PCDH9: variants seen among roughly 807,000 people sequenced by gnomAD.
PCDH9 encodes protocadherin 9, also known as protocadherin-9.
PCDH9 carries 24 observed loss-of-function variants against 70.6 expected under a neutral mutation model. The ratio of observed to expected loss-of-function variants is 0.34; its 90% CI spans 0.25 to 0.48. PCDH9 has a LOEUF of 0.48. Ranked by LOEUF, PCDH9 falls within the 20% of genes least tolerant of loss-of-function variation. The pLI, the probability that PCDH9 is intolerant of heterozygous loss-of-function variation, is 0.99. For missense variants in PCDH9, 1,281 were observed against 1,503.6 expected, an observed-to-expected ratio of 0.85 and a Z score of 2.45; for synonymous variants, 562 against 558.5, an observed-to-expected ratio of 1.01 and a Z score of -0.09.
chr13:66,383,099 C>T (rs1956874873), intron 4 of PCDH9, among the ~76,000 whole-genome samples: 1 of 152,044 alleles, frequency 6.6e-6, no homozygotes, highest in Admixed American at 6.6e-5. Flanking sequence ...ATTTACAAAG[C>T]ACAATATAGT....
chr13:67,222,856 T>C (rs969255459), intron 2 of PCDH9: 5 of 152,140 alleles, frequency 3.3e-5, no homozygotes, highest in African/African-American at 1.2e-4. Context: ...TACAGTTCAG[T>C]GAAAACAAAT....
Position 66,497,814 on chromosome 13 carries a change from C to CTTTTTTTTTTTT in PCDH9, c.3340+133384_3340+133395dup, listed in dbSNP as rs763360211. Among the ~76,000 whole-genome samples the CTTTTTTTTTTTT allele has an allele frequency of 4.5e-5, 5 of 111,334 alleles. No individual in the cohort carries two copies. The East Asian group carries it at 1.4e-3, about 32-fold the overall frequency. The allele number at this position is 111,334 out of a possible 152,430, so 73.0% of individuals were successfully genotyped here. On this transcript the variant is annotated intron_variant, in intron 4 of 4. Coordinates refer to ENST00000377865, the MANE Select transcript of PCDH9 (RefSeq NM_203487.3). ...AGAAAAAGTGCTATACACACTCTTA[C>CTTTTTTTTTTTT]TTTTTTTTTTTTTTTTTTTTTTGAG...
intron 2 of PCDH9, among the ~76,000 whole-genome samples, chr13:67,131,505 C>A (rs114461456): frequency 9.8e-4 from 149 of 152,214 alleles, no homozygotes; most frequent in African/African-American, 3.3e-3. Flanking sequence ...ACATGCATTT[C>A]TGAACTTTTG....
At chr13:66,351,556 T>G (rs117884252) in intron 4 of PCDH9, among the ~76,000 whole-genome samples, 1 of 152,198 alleles carries the variant, frequency 6.6e-6, no homozygotes, top group Non-Finnish European at 1.5e-5. Context: ...CTTTTAAATC[T>G]TCAAATATTT....
intron 3 of PCDH9, among the ~76,000 whole-genome samples, chr13:66,854,081 T>C (rs1459370835): frequency 6.6e-6 from 1 of 152,218 alleles, no homozygotes; most frequent in African/African-American, 2.4e-5. Flanking sequence ...GCTGTTCTTT[T>C]AGCTACTAGT....
intron 3 of PCDH9, among the ~76,000 whole-genome samples, chr13:66,806,765 G>A (rs1042866718): frequency 2.0e-5 from 3 of 152,098 alleles, no homozygotes; most frequent in Non-Finnish European, 4.4e-5. Flanking sequence ...AAGGAAGTAC[G>A]GTGCTTAGCA....
intron 2 of PCDH9, among the ~76,000 whole-genome samples, chr13:67,040,252 T>C (rs1594428173): frequency 6.6e-6 from 1 of 152,046 alleles, no homozygotes; most frequent in Non-Finnish European, 1.5e-5. Flanking sequence ...AGAGGTGGGG[T>C]CTTTGGGAGA....
At chr13:66,445,177 A>G (rs1012491504) in intron 4 of PCDH9, among the ~76,000 whole-genome samples, 7 of 147,014 alleles carry the variant, frequency 4.8e-5, no homozygotes, top group African/African-American at 1.7e-4. Flanking sequence ...TATTATATAT[A>G]TATAAAATCA....
At chr13:66,826,072 A>G (rs1038265936) in intron 3 of PCDH9, among the ~76,000 whole-genome samples, 2 of 152,204 alleles carry the variant, frequency 1.3e-5, no homozygotes, top group African/African-American at 4.8e-5. Context: ...AAAACTACCC[A>G]AAGAATGAAT....
In PCDH9 at chr13:66,334,197, C is replaced by T. The variant is rs1593814786; in HGVS notation, c.3341-29169G>A. Among the ~76,000 whole-genome samples, 5 of 152,174 alleles carry T rather than the reference C, an allele frequency of 3.3e-5. No individual in the cohort carries two copies. In the South Asian group the frequency reaches 1.0e-3, roughly 32 times the overall value. On this transcript the variant is annotated intron_variant, in intron 4 of 4. Transcript: ENST00000377865. ...AACCTCTCTTCATCCCTCCACCCCA[C>T]TACCCTTCCCAGCCTCTGGTAACCA...
intron 4 of PCDH9, among the ~76,000 whole-genome samples, chr13:66,528,015 C>T (rs1960287899): frequency 6.6e-6 from 1 of 152,120 alleles, no homozygotes; most frequent in African/African-American, 2.4e-5. Context: ...AAGACTCGGT[C>T]TCAAAGGAAG....
At chr13:66,547,291 A>G (rs182716297) in intron 4 of PCDH9, among the ~76,000 whole-genome samples, 45 of 152,310 alleles carry the variant, frequency 3.0e-4, no homozygotes, top group Admixed American at 1.3e-3. Context: ...TCTTAATCTG[A>G]GGGTATTATA....
At chr13:66,884,591 G>C (rs1246422714) in intron 3 of PCDH9, among the ~76,000 whole-genome samples, 2 of 152,124 alleles carry the variant, frequency 1.3e-5, no homozygotes, top group Non-Finnish European at 1.5e-5. Flanking sequence ...AGCAAGACTG[G>C]CTTTCCTACA....
At chr13:66,354,080 T>C (rs1238285293) in intron 4 of PCDH9, among the ~76,000 whole-genome samples, 1 of 152,210 alleles carries the variant, frequency 6.6e-6, no homozygotes, top group Non-Finnish European at 1.5e-5. Context: ...TCTACTTCTC[T>C]CTTATCACTT....
intron 4 of PCDH9, among the ~76,000 whole-genome samples, chr13:66,495,114 A>T (rs989762903): frequency 6.6e-6 from 1 of 152,166 alleles, no homozygotes; most frequent in Non-Finnish European, 1.5e-5. Context: ...GGGTATATGA[A>T]GGTTTATTAA....
intron 2 of PCDH9, among the ~76,000 whole-genome samples, chr13:67,189,162 G>A (rs1048400192): frequency 2.0e-5 from 3 of 150,868 alleles, no homozygotes; most frequent in African/African-American, 4.9e-5. Context: ...ACACACACAC[G>A]TATATATATA....
At chr13:66,709,790 C>A (rs1317640390) in intron 3 of PCDH9, among the ~76,000 whole-genome samples, 2 of 152,014 alleles carry the variant, frequency 1.3e-5, no homozygotes, top group Non-Finnish European at 2.9e-5. Context: ...ACAGAACAGG[C>A]AGGTTTAATG....
intron 2 of PCDH9, among the ~76,000 whole-genome samples, chr13:67,153,923 C>T (rs1268766031): frequency 6.6e-6 from 1 of 152,164 alleles, no homozygotes; most frequent in East Asian, 1.9e-4. Context: ...GGCTTGCGAC[C>T]TTAGAATTAA....
chr13:67,111,488 C>A (rs1049965176), intron 2 of PCDH9, among the ~76,000 whole-genome samples: 1 of 152,160 alleles, frequency 6.6e-6, no homozygotes, highest in Non-Finnish European at 1.5e-5. Flanking sequence ...AAAATAAACA[C>A]CAGCCAAGTA....
Sources: gnomAD v4.1 joint callset for allele counts (sites outside exome capture counted in the v4.1 genomes callset) on GRCh38, gnomAD v4.1.1 for gene constraint, MANE v1.5 for transcripts, NCBI Gene and HGNC (gene_info 2026-07-23, HGNC 2026-07-21) for gene names.